The following KMT2C variants were observed in gnomAD, a reference collection of about 807,000 sequenced individuals.
KMT2C encodes histone-lysine N-methyltransferase 2C.
A neutral mutation model predicts 507.9 loss-of-function variants in KMT2C; 88 were observed. The observed-to-expected ratio is 0.17, with a 90% CI of 0.15 to 0.21. The LOEUF is 0.21. Ranked by LOEUF, KMT2C falls within the 10% of genes least tolerant of loss-of-function variation. The probability of loss-of-function intolerance (pLI) is 1.00; values close to 1 mark genes in which losing one functional copy is unlikely to be tolerated. For synonymous variants in KMT2C, 2,049 were observed against 2,080.8 expected, an observed-to-expected ratio of 0.98 and a Z score of 0.42; for missense variants, 4,954 against 5,957.8, an observed-to-expected ratio of 0.83 and a Z score of 5.55.
chr7:152,213,833 G>C (rs922802374), intron 23 of KMT2C, among the ~76,000 whole-genome samples: 2 of 150,546 alleles, frequency 1.3e-5, no homozygotes, highest in African/African-American at 4.9e-5. Context: ...CTGATAAGGG[G>C]TTAAAATCCA....
chr7:152,154,852 CA>C (rs889995431), intron 46 of KMT2C: 120 of 148,614 alleles, frequency 8.1e-4, no homozygotes, highest in South Asian at 2.0e-3. Context: ...TTTAAAAAGA[CA>C]AAAAAAAAAG....
chr7:152,233,124 AAAT>A (rs2095173182), intron 16 of KMT2C, among the ~76,000 whole-genome samples: 1 of 152,202 alleles, frequency 6.6e-6, no homozygotes, highest in Non-Finnish European at 1.5e-5. Context: ...TGTCATATTT[AAAT>A]AATAAGTGCA....
At chr7:152,167,462 T>C (rs2092779828) in intron 41 of KMT2C, 84 bp from the exon 42 acceptor site, 25 of 874,700 alleles carry the variant, frequency 2.9e-5, no homozygotes, top group Non-Finnish European at 5.4e-6. Flanking sequence ...TGTAAGGAAG[T>C]AGTTTCACCA....
chr7:152,435,417 C>A (rs1473385589), intron 1 of KMT2C, among the ~76,000 whole-genome samples: 1 of 148,680 alleles, frequency 6.7e-6, no homozygotes, highest in East Asian at 2.0e-4. Flanking sequence ...GGAGCCCGGG[C>A]GGGCGGCGCG....
chr7:152,374,896 A>C (rs1443198386), intron 1 of KMT2C, among the ~76,000 whole-genome samples: 1 of 152,058 alleles, frequency 6.6e-6, no homozygotes, highest in Non-Finnish European at 1.5e-5. Flanking sequence ...AAAAAAAAAA[A>C]AAAAATTGAA....
At chr7:152,219,013 A>G (rs1588313269) in intron 23 of KMT2C, among the ~76,000 whole-genome samples, 1 of 149,566 alleles carries the variant, frequency 6.7e-6, no homozygotes, top group Non-Finnish European at 1.5e-5. Flanking sequence ...TCTGTCACCC[A>G]CGCTGGAGTG....
intron 15 of KMT2C, among the ~76,000 whole-genome samples, chr7:152,237,548 A>C (rs2095302253): frequency 6.6e-6 from 1 of 152,104 alleles, no homozygotes; most frequent in Admixed American, 6.5e-5. Context: ...CCCAGGCTGG[A>C]GTGCAATGGT....
intron 1 of KMT2C, chr7:152,368,257 A>T (rs1479697777): frequency 4.3e-6 from 4 of 923,924 alleles, no homozygotes; most frequent in Non-Finnish European, 7.2e-6. Context: ...TGTTACTAAT[A>T]ATGTCCACTA....
intron 23 of KMT2C, among the ~76,000 whole-genome samples, chr7:152,216,264 G>A (rs1228960208): frequency 2.0e-5 from 3 of 152,202 alleles, no homozygotes; most frequent in Non-Finnish European, 2.9e-5. Flanking sequence ...ATCCCAGGAG[G>A]TGAATGAGAA....
At chr7:152,139,367 G>C (rs2090261758) in intron 56 of KMT2C, 108 bp from the exon 57 acceptor site, 1 of 953,186 alleles carries the variant, frequency 1.0e-6, no homozygotes, top group Non-Finnish European at 1.7e-6. Context: ...ACGGCAGCCT[G>C]ATCATCCTTA....
At chr7:152,414,404 T>A (rs111519823) in intron 1 of KMT2C, among the ~76,000 whole-genome samples, 1,202 of 116,902 alleles carry the variant, frequency 0.01, no homozygotes, top group Non-Finnish European at 0.013. Flanking sequence ...GGCGCATGCA[T>A]GTAATCCCAG....
At chr7:152,179,690 GCCCAGGCTGGTCTCAAACT>G in intron 37 of KMT2C, 125 bp downstream of exon 37, 5 of 444,538 alleles carry the variant, frequency 1.1e-5, no homozygotes, top group Admixed American at 4.3e-5. Flanking sequence ...TCACTATATT[GCCCAGGCTGGTCTCAAACT>G]CCTAGCCTCA....
rs112800369 is a variant in KMT2C, at chr7:152,135,511, CT to C, written c.*1320del. The C allele has an allele frequency of 0.034, 6,525 of 190,030 alleles. 38 individuals are homozygous for C. The highest frequency in any genetic ancestry group is 0.064 in the Middle Eastern group (35 of 546). The allele number at this position is 190,030 out of a possible 1,614,324, so 11.8% of individuals were successfully genotyped here. A position where few individuals can be genotyped will look rare whatever the true frequency, so the allele number is the denominator to read the frequency against. On this transcript the variant is annotated 3_prime_UTR_variant, in exon 59 of 59. Coordinates refer to ENST00000262189, the MANE Select transcript of KMT2C (RefSeq NM_170606.3). ...GCAGCTGTAAGCATAATCACATCTC[CT>C]TTTTTTTTTTAACTTTTTCAAATTT...
chr7:152,223,695 G>A (rs2094843733), intron 20 of KMT2C, among the ~76,000 whole-genome samples: 2 of 152,174 alleles, frequency 1.3e-5, no homozygotes, highest in South Asian at 4.1e-4. Flanking sequence ...TCGGGAGGCT[G>A]AGGCAGGAGA....
rs149781178 is a variant in KMT2C at position 152,228,577 on chromosome 7, T to C, written c.2976+1346A>G. ...GCTCTACCAGTAACTATGTGTTTGATAGTGCACTAATTGTCCAATCTTAAC... is the reference window on the plus strand; with the variant it reads ...GCTCTACCAGTAACTATGTGTTTGACAGTGCACTAATTGTCCAATCTTAAC... On this transcript the variant is annotated intron_variant, in intron 18 of 58. Transcript: ENST00000262189. 2.5e-3 allele frequency among the ~76,000 whole-genome samples: 376 copies of C among 152,304 alleles called. 1 individual carries two copies. Among genetic ancestry groups the C allele is most frequent in the African/African-American group, 8.6e-3 (358 of 41,570 alleles).
chr7:152,334,894 A>G (rs1299135138), intron 2 of KMT2C, among the ~76,000 whole-genome samples: 3 of 152,224 alleles, frequency 2.0e-5, no homozygotes, highest in Non-Finnish European at 4.4e-5. Context: ...CCACTGCTAT[A>G]TTTTGGGGTC....
At chr7:152,427,596 A>G (rs1352775147) in intron 1 of KMT2C, among the ~76,000 whole-genome samples, 1 of 152,194 alleles carries the variant, frequency 6.6e-6, no homozygotes, top group East Asian at 1.9e-4. Context: ...TACTGCTGCC[A>G]TGAGCATCTT....
At chr7:152,239,639 G>A (rs1419686740) in intron 14 of KMT2C, among the ~76,000 whole-genome samples, 1 of 152,018 alleles carries the variant, frequency 6.6e-6, no homozygotes, top group Non-Finnish European at 1.5e-5. Context: ...ACCACATTCA[G>A]CAATACCCTG....
rs747091179 is a variant in KMT2C, at chr7:152,180,037, T to C, written c.7239A>G (p.Ala2413=). 5 of 1,614,200 alleles carry C rather than the reference T, an allele frequency of 3.1e-6. No individual in the cohort carries two copies. The highest frequency in any genetic ancestry group is 4.2e-6 in the Non-Finnish European group (5 of 1,180,038). Residue 2413 remains alanine (A), a synonymous_variant, in exon 37 of 59, where the codon GCA becomes GCG. Transcript: ENST00000262189. ...GTTGAAGAGGCCCTGGATGAGGCAC[T>C]GCGGGTGAGTCCTGTGACCCCTTCT... is the stretch of plus-strand genomic sequence containing the variant. ...RQEKGSQDSP[A]VPHPGPLQHW... is the part of the protein sequence containing the mutation.
Sources: gnomAD v4.1 joint callset for allele counts (sites outside exome capture counted in the v4.1 genomes callset) on GRCh38, gnomAD v4.1.1 for gene constraint, MANE v1.5 for transcripts, NCBI Gene and HGNC (gene_info 2026-07-23, HGNC 2026-07-21) for gene names.